The following CABLES1 variants were observed in gnomAD, a reference collection of about 807,000 sequenced individuals.
CABLES1 encodes the protein Cdk5 and Abl enzyme substrate 1.
CABLES1 carries 36 observed loss-of-function variants against 57.8 expected under a neutral mutation model. The ratio of observed to expected loss-of-function variants is 0.62; its 90% confidence interval spans 0.48 to 0.82. The LOEUF is 0.82. Among genes scored for constraint, CABLES1 ranks in the 40% least tolerant of loss-of-function variants. The pLI, the probability that CABLES1 is intolerant of heterozygous loss-of-function variation, is 0.00. For missense variants in CABLES1, 767 were observed against 836.6 expected, an observed-to-expected ratio of 0.92 and a Z score of 1.03; for synonymous variants, 374 against 363.0, an observed-to-expected ratio of 1.03 and a Z score of -0.35.
At chr18:23,193,331 A>C (rs2047259112) in intron 2 of CABLES1, among the ~76,000 whole-genome samples, 1 of 151,876 alleles carries the variant, frequency 6.6e-6, no homozygotes. Flanking sequence ...AGCTGGGATT[A>C]CAGGCACCTG....
Position 23,252,944 on chromosome 18 carries a change from C to T in CABLES1, c.1447-16C>T. On this transcript the variant is annotated splice_polypyrimidine_tract_variant and intron_variant, in intron 7 of 9. Transcript: ENST00000256925. The stretch of plus-strand genomic sequence containing the variant: ...CTTGTTTTAAGGAGTGATCCGTGTT[C>T]CCCTGTCTGTTACAGACAACAGTGA... 1 of 1,542,988 alleles carries T rather than the reference C, an allele frequency of 6.5e-7. No homozygotes were observed. The highest frequency in any genetic ancestry group is 9.0e-7 in the Non-Finnish European group (1 of 1,115,418).
In CABLES1 at chr18:23,259,692, A is replaced by C. The variant is rs2048248834; in HGVS notation, c.*2325A>C. On this transcript the variant is annotated 3_prime_UTR_variant, in exon 10 of 10. Coordinates refer to ENST00000256925, the MANE Select transcript of CABLES1 (RefSeq NM_001100619.3). ...TGGAGGAGGGTGAGAGATGCAGGTC[A>C]CTGCCAGAGGCACCTCTGTGACACG... 6.6e-6 allele frequency: 1 copy of C among 152,280 alleles called. No homozygotes were observed. Among genetic ancestry groups the C allele is most frequent in the African/African-American group, 2.4e-5 (1 of 41,460 alleles). 9.4% of individuals were successfully genotyped at this position (152,280 alleles called of 1,614,324 possible).
intron 2 of CABLES1, among the ~76,000 whole-genome samples, chr18:23,193,194 C>CTTTCT (rs1555663614): frequency 1.4e-5 from 2 of 142,304 alleles, no homozygotes; most frequent in African/African-American, 5.2e-5. Flanking sequence ...AAGAATCTTT[C>CTTTCT]TTTTTTTTTT....
At chr18:23,191,096 A>G (rs2047239544) in intron 2 of CABLES1, among the ~76,000 whole-genome samples, 1 of 151,680 alleles carries the variant, frequency 6.6e-6, no homozygotes, top group Non-Finnish European at 1.5e-5. Flanking sequence ...AAAAAAAAAA[A>G]AAAAATTAAC....
At chr18:23,212,016 G>C (rs577124035) in intron 3 of CABLES1, among the ~76,000 whole-genome samples, 1 of 152,224 alleles carries the variant, frequency 6.6e-6, no homozygotes, top group African/African-American at 2.4e-5. Context: ...CGGGCCCGTG[G>C]TATCTGATGA....
intron 1 of CABLES1, among the ~76,000 whole-genome samples, chr18:23,187,123 C>T (rs1277676228): frequency 6.6e-6 from 1 of 152,236 alleles, no homozygotes; most frequent in Non-Finnish European, 1.5e-5. Context: ...TTCCCCACCT[C>T]CTCAGCTCGC....
At position 23,200,613 on chromosome 18, in the gene CABLES1, T is replaced by G. The variant is rs79493359; in HGVS notation, c.1010+6073T>G. Among the ~76,000 whole-genome samples, 626 of 152,336 alleles carry G rather than the reference T, an allele frequency of 4.1e-3. 5 individuals carry two copies. The highest frequency in any genetic ancestry group is 0.014 in the African/African-American group (597 of 41,570). On this transcript the variant is annotated intron_variant, in intron 3 of 9. Transcript: ENST00000256925. ...AGACTGGCAAGCCTAGAGCTGATGC[T>G]TAGCAGTTTGAGAACAGACGGTTTG... is the stretch of plus-strand genomic sequence containing the variant.
rs138287547 is a variant in CABLES1, at chr18:23,227,588, GTC to G, written c.1089-7016_1089-7015del. ...CATCAACTGTGGACCCTGTTCCATT[GTC>G]TCTGAACTCTGGAGGCACCTTCTGC... is the stretch of plus-strand genomic sequence containing the variant. On this transcript the variant is annotated intron_variant, in intron 4 of 9. Transcript: ENST00000256925. Among the ~76,000 whole-genome samples the G allele has an allele frequency of 2.0e-4, 30 of 152,188 alleles. 1 individual carries two copies. In the East Asian group the frequency reaches 5.8e-3, roughly 29 times the overall value.
intron 7 of CABLES1, among the ~76,000 whole-genome samples, chr18:23,244,945 CG>C (rs2047837094): frequency 6.6e-6 from 1 of 152,174 alleles, no homozygotes; most frequent in Non-Finnish European, 1.5e-5. Flanking sequence ...TGAAGGAGGC[CG>C]GAGCTTTATC....
intron 9 of CABLES1, among the ~76,000 whole-genome samples, chr18:23,256,753 G>A (rs2048176673): frequency 1.3e-5 from 2 of 152,170 alleles, no homozygotes; most frequent in South Asian, 4.1e-4. Flanking sequence ...CCAAGGTGCT[G>A]GGATGACAGG....
At chr18:23,203,287 A>G (rs1330497857) in intron 3 of CABLES1, among the ~76,000 whole-genome samples, 4 of 152,160 alleles carry the variant, frequency 2.6e-5, no homozygotes, top group Admixed American at 2.6e-4. Flanking sequence ...GTCTGCTTCA[A>G]GAATCATTTC....
intron 1 of CABLES1, among the ~76,000 whole-genome samples, chr18:23,180,432 A>AT (rs911761274): frequency 1.3e-5 from 2 of 152,222 alleles, no homozygotes; most frequent in African/African-American, 4.8e-5. Flanking sequence ...ATGGAGGGGC[A>AT]TTTTCCTTTA....
intron 1 of CABLES1, among the ~76,000 whole-genome samples, chr18:23,159,905 G>A (rs951892947): frequency 1.3e-5 from 2 of 151,108 alleles, no homozygotes; most frequent in Non-Finnish European, 2.9e-5. Context: ...AAACTTGTTG[G>A]CAAGTTACAC....
intron 4 of CABLES1, among the ~76,000 whole-genome samples, chr18:23,230,288 C>T (rs1755305498): frequency 6.6e-6 from 1 of 152,220 alleles, no homozygotes; most frequent in Non-Finnish European, 1.5e-5. Flanking sequence ...AGGAGAATGG[C>T]ATGAACCCAG....
upstream of CABLES1, among the ~76,000 whole-genome samples, chr18:23,135,001 T>C (rs574207774): frequency 1.4e-4 from 21 of 152,238 alleles, no homozygotes; most frequent in African/African-American, 4.6e-4. Flanking sequence ...ATCTATTTAC[T>C]TCTCGGGGAC....
chr18:23,147,638 A>G (rs1376689136), intron 1 of CABLES1, among the ~76,000 whole-genome samples: 1 of 152,256 alleles, frequency 6.6e-6, no homozygotes. Context: ...TCAGAGCAGC[A>G]GAGAGAAACA....
chr18:23,168,943 T>C (rs921959877), intron 1 of CABLES1, among the ~76,000 whole-genome samples: 2 of 152,208 alleles, frequency 1.3e-5, no homozygotes, highest in Non-Finnish European at 2.9e-5. Context: ...CCTACTGGGC[T>C]GCATTCCCAG....
intron 1 of CABLES1, among the ~76,000 whole-genome samples, chr18:23,147,614 C>T (rs2046899615): frequency 6.6e-6 from 1 of 152,238 alleles, no homozygotes. Context: ...TTAGTTTCAT[C>T]AGTAGTAGTG....
intron 1 of CABLES1, among the ~76,000 whole-genome samples, chr18:23,171,465 G>A (rs2047081820): frequency 6.6e-6 from 1 of 152,186 alleles, no homozygotes; most frequent in Non-Finnish European, 1.5e-5. Context: ...GCCTTGCCAT[G>A]GTCTGCACCA....
Sources: allele counts gnomAD v4.1 joint callset (sites outside exome capture counted in the v4.1 genomes callset), GRCh38; gene constraint gnomAD v4.1.1; transcripts MANE v1.5; gene names NCBI Gene and HGNC (gene_info 2026-07-23, HGNC 2026-07-21).